Variants in CNTN4 observed in about 807,000 individuals in gnomAD.
The protein encoded by CNTN4 is contactin-4.
In CNTN4, 77 loss-of-function variants were observed where a neutral mutation model predicts 122.5. The ratio of observed to expected loss-of-function variants is 0.63; its 90% CI spans 0.52 to 0.76. The LOEUF is 0.76. Ranked by LOEUF, CNTN4 falls within the 30% of genes least tolerant of loss-of-function variation. The pLI is 0.00. For missense variants in CNTN4, 1,256 were observed against 1,259.1 expected (o/e 1.00, Z 0.04); for synonymous variants, 512 against 447.0 (o/e 1.15, Z -1.83).
chr3:2,345,036 G>T (rs1469266937), intron 3 of CNTN4, among the ~76,000 whole-genome samples: 1 of 152,188 alleles, frequency 6.6e-6, no homozygotes, highest in African/African-American at 2.4e-5. Context: ...GTTTCTCTTG[G>T]TAGTTGACAG....
chr3:2,581,791 C>G (rs929127852), intron 4 of CNTN4, among the ~76,000 whole-genome samples: 9 of 152,110 alleles, frequency 5.9e-5, no homozygotes, highest in African/African-American at 2.2e-4. Flanking sequence ...ATGTGGTAGT[C>G]CCATACAGTG....
In CNTN4 at chr3:3,030,969, G is replaced by GT; in HGVS notation, c.1778dup (p.Arg594LysfsTer29). 1 of 1,614,064 alleles carries GT rather than the reference G, an allele frequency of 6.2e-7. No individual in the cohort carries two copies. The highest frequency in any genetic ancestry group is 1.7e-5 in the Admixed American group (1 of 60,028). Reference sequence around the variant, plus strand: ...GCTATCTGCTGCTGCAGACCTGATTGTAAGAGGTACTGGATTTTGTTGTTA... The same window carrying GT: ...GCTATCTGCTGCTGCAGACCTGATTGTTAAGAGGTACTGGATTTTGTTGTTA... On this transcript the variant is annotated frameshift_variant, in exon 16 of 25. Transcript: ENST00000418658. LOFTEE classifies it high-confidence loss of function.
intron 2 of CNTN4, among the ~76,000 whole-genome samples, chr3:2,160,530 G>C (rs571422301): frequency 3.3e-4 from 50 of 152,218 alleles, no homozygotes; most frequent in African/African-American, 9.6e-4. Flanking sequence ...TTATAATGTG[G>C]AATAAGTGAT....
chr3:2,503,248 G>A (rs2076642684), intron 3 of CNTN4, among the ~76,000 whole-genome samples: 1 of 152,112 alleles, frequency 6.6e-6, no homozygotes, highest in Non-Finnish European at 1.5e-5. Flanking sequence ...TTACCAGATA[G>A]ATGGCTGGAT....
chr3:2,560,439 G>A (rs2078904510), intron 3 of CNTN4, among the ~76,000 whole-genome samples: 4 of 152,070 alleles, frequency 2.6e-5, no homozygotes, highest in Admixed American at 2.6e-4. Context: ...ACCATGCCTG[G>A]CCCACTCCAC....
chr3:2,802,454 A>G (rs1468183301), intron 6 of CNTN4, among the ~76,000 whole-genome samples: 3 of 152,212 alleles, frequency 2.0e-5, no homozygotes, highest in African/African-American at 7.2e-5. Flanking sequence ...GCCCAAGGGA[A>G]TAGCACCGAG....
At chr3:2,283,842 C>G (rs1355737926) in intron 2 of CNTN4, among the ~76,000 whole-genome samples, 2 of 152,076 alleles carry the variant, frequency 1.3e-5, no homozygotes, top group African/African-American at 4.8e-5. Flanking sequence ...CATTTCTCTT[C>G]AAGGGAGGCC....
intron 16 of CNTN4, among the ~76,000 whole-genome samples, chr3:3,033,022 T>C (rs1442838890): frequency 1.3e-5 from 2 of 152,126 alleles, no homozygotes; most frequent in Admixed American, 6.5e-5. Context: ...TTTCTTCCTA[T>C]AGAGAGGCCA....
At chr3:2,113,096 A>G (rs751318314) in intron 2 of CNTN4, among the ~76,000 whole-genome samples, 4 of 152,216 alleles carry the variant, frequency 2.6e-5, no homozygotes, top group Admixed American at 6.5e-5. Context: ...TATTAAAAAG[A>G]GCTATAGAAA....
chr3:3,041,991 C>T (rs545982091), intron 20 of CNTN4, among the ~76,000 whole-genome samples: 5 of 152,078 alleles, frequency 3.3e-5, no homozygotes, highest in East Asian at 1.9e-4. Context: ...TTAGCCATGT[C>T]GTAAGCAATA....
intron 6 of CNTN4, among the ~76,000 whole-genome samples, chr3:2,798,366 A>ATCTATCTATCTATCTATCTATCTATCT (rs57013365): frequency 0.088 from 11,879 of 135,278 alleles, 671 homozygotes; most frequent in Non-Finnish European, 0.11. Flanking sequence ...TACACACATA[A>ATCTATCTATCTATCTATCTATCTATCT]ATCTATCTAT....
intron 6 of CNTN4, among the ~76,000 whole-genome samples, chr3:2,791,566 T>C (rs1366985387): frequency 1.3e-5 from 2 of 151,848 alleles, no homozygotes; most frequent in African/African-American, 4.8e-5. Context: ...CTGAGCTCTA[T>C]ACAAACATAG....
At chr3:2,329,164 T>G (rs2043602986) in intron 2 of CNTN4, among the ~76,000 whole-genome samples, 1 of 152,154 alleles carries the variant, frequency 6.6e-6, no homozygotes, top group Non-Finnish European at 1.5e-5. Flanking sequence ...ACTCAAATGT[T>G]TACAAAATAA....
At chr3:2,210,771 T>G (rs988255802) in intron 2 of CNTN4, among the ~76,000 whole-genome samples, 25 of 152,196 alleles carry the variant, frequency 1.6e-4, no homozygotes, top group African/African-American at 6.0e-4. Flanking sequence ...ATCTTTTGTC[T>G]TTTTGAATCT....
intron 2 of CNTN4, among the ~76,000 whole-genome samples, chr3:2,118,078 T>C (rs575061607): frequency 1.1e-4 from 16 of 152,358 alleles, no homozygotes; most frequent in African/African-American, 3.4e-4. Flanking sequence ...GTAATATTAA[T>C]TGAACATTTA....
chr3:2,900,670 T>C lies in CNTN4; in HGVS notation c.941-15T>C. 6.2e-7 allele frequency: 1 copy of C among 1,613,374 alleles called. No homozygotes were observed. The highest frequency in any genetic ancestry group is 8.5e-7 in the Non-Finnish European group (1 of 1,179,366). ...ACTGAATATACACCTTTCTTTGCTT[T>C]TTGGATGCCTATAGCTCAACCTAAT... is the stretch of plus-strand genomic sequence containing the variant. On this transcript the variant is annotated splice_polypyrimidine_tract_variant and intron_variant, in intron 10 of 24. Transcript: ENST00000418658.
intron 2 of CNTN4, among the ~76,000 whole-genome samples, chr3:2,172,912 G>T (rs1192382162): frequency 6.6e-6 from 1 of 152,174 alleles, no homozygotes; most frequent in Non-Finnish European, 1.5e-5. Context: ...GCATGTAGGG[G>T]CCAAAAGAGA....
intron 2 of CNTN4, among the ~76,000 whole-genome samples, chr3:2,208,248 A>G (rs577707190): frequency 1.2e-4 from 19 of 152,262 alleles, no homozygotes; most frequent in Non-Finnish European, 2.2e-4. Context: ...AGGAGCCCAA[A>G]ACAGCAACAT....
Position 3,053,968 on chromosome 3 carries a change from G to T in CNTN4, c.2973G>T (p.Lys991Asn). 1 of 1,614,176 alleles carries T rather than the reference G, an allele frequency of 6.2e-7. No homozygotes were observed. The highest frequency in any genetic ancestry group is 8.5e-7 in the Non-Finnish European group (1 of 1,180,028). The change falls in exon 24 of 25, where the codon AAG becomes AAT. Residue 991 changes from lysine (K) to asparagine (N), a missense_variant. Transcript: ENST00000418658. ...GSSSEQIRIP[K>N]ISNAYARGSG... Reference sequence around the variant, plus strand: ...GCAGTGAACAAATTCGAATTCCAAAGATATCAAGTGAGAATGCCTTTTTTT... The same window carrying T: ...GCAGTGAACAAATTCGAATTCCAAATATATCAAGTGAGAATGCCTTTTTTT...
Sources: gnomAD v4.1 joint callset for allele counts (sites outside exome capture counted in the v4.1 genomes callset) on GRCh38, gnomAD v4.1.1 for gene constraint, MANE v1.5 for transcripts, NCBI Gene and HGNC (gene_info 2026-07-23, HGNC 2026-07-21) for gene names.